The following SHANK2 variants were observed in gnomAD, a reference collection of about 807,000 sequenced individuals.
SHANK2 encodes SH3 and multiple ankyrin repeat domains 2.
In SHANK2, 43 loss-of-function variants were observed where a neutral mutation model predicts 133.7. The observed-to-expected ratio is 0.32, with a 90% CI of 0.25 to 0.41. The LOEUF is 0.41. Among genes scored for constraint, SHANK2 ranks in the 10% least tolerant of loss-of-function variants. The pLI is 1.00. For synonymous variants in SHANK2, 1,017 were observed against 952.8 expected (o/e 1.07, Z -1.24); for missense variants, 1,994 against 2,235.8 (o/e 0.89, Z 2.18).
chr11:71,122,812 T>C (rs1289442537), intron 3 of SHANK2, among the ~76,000 whole-genome samples: 19 of 151,672 alleles, frequency 1.3e-4, no homozygotes, highest in African/African-American at 4.1e-4. Context: ...TGGGACAGAT[T>C]CCCCCTCAAG....
At chr11:71,117,790 G>A (rs1221227133) in intron 4 of SHANK2, among the ~76,000 whole-genome samples, 1 of 152,186 alleles carries the variant, frequency 6.6e-6, no homozygotes, top group Non-Finnish European at 1.5e-5. Flanking sequence ...CATCAGCTGT[G>A]CGTTTGTACA....
At chr11:70,534,763 G>T (rs1435411749) in intron 17 of SHANK2, among the ~76,000 whole-genome samples, 2 of 152,352 alleles carry the variant, frequency 1.3e-5, no homozygotes, top group South Asian at 2.1e-4. Context: ...ATCAGTTCAG[G>T]TGACGCTTCA....
chr11:70,630,065 T>C (rs2060961742), intron 17 of SHANK2, among the ~76,000 whole-genome samples: 1 of 152,242 alleles, frequency 6.6e-6, no homozygotes, highest in Non-Finnish European at 1.5e-5. Flanking sequence ...CTTTTGCTCC[T>C]GGCCCTGGTC....
intron 4 of SHANK2, among the ~76,000 whole-genome samples, 186 bp from the exon 5 acceptor site, chr11:71,113,550 T>C (rs1485729106): frequency 6.6e-6 from 1 of 152,176 alleles, no homozygotes; most frequent in East Asian, 1.9e-4. Flanking sequence ...ATCACTTTTG[T>C]CAAGATTCTG....
intron 15 of SHANK2, among the ~76,000 whole-genome samples, chr11:70,690,195 C>T (rs1945245686): frequency 1.3e-5 from 2 of 151,768 alleles, no homozygotes; most frequent in African/African-American, 4.8e-5. Context: ...GGACAGATTC[C>T]AGTGATACAT....
In SHANK2 at chr11:70,486,431, G is replaced by A. The variant is rs2058806726; in HGVS notation, c.3862C>T (p.Arg1288Ter). 6.2e-7 allele frequency: 1 copy of A among 1,613,918 alleles called. No individual in the cohort carries two copies. The highest frequency in any genetic ancestry group is 1.7e-5 in the Admixed American group (1 of 59,998). Residue 1288 changes from arginine (R) to a stop codon, truncating the protein, a stop_gained, in exon 25 of 26, where the codon CGA becomes TGA. Coordinates refer to ENST00000601538, the MANE Select transcript of SHANK2 (RefSeq NM_012309.5). LOFTEE classifies it high-confidence loss of function. The surrounding 1 kb of genome is among the most constrained non-coding windows in gnomAD (Gnocchi z 8.0). ...TENKYETDLG[R>*]DRKGDDKKNM... ...TTCTTGTCATCGCCTTTCCGGTCTC[G>A]GCCCAGGTCGGTCTCGTACTTGTTC... is the stretch of plus-strand genomic sequence containing the variant.
At chr11:70,561,383 G>A (rs551083502) in intron 17 of SHANK2, among the ~76,000 whole-genome samples, 1 of 151,410 alleles carries the variant, frequency 6.6e-6, no homozygotes, top group East Asian at 2.0e-4. Flanking sequence ...AAACTCCTGA[G>A]CTCAAGTGAT....
At chr11:70,567,300 G>T (rs1488344716) in intron 17 of SHANK2, among the ~76,000 whole-genome samples, 1 of 152,216 alleles carries the variant, frequency 6.6e-6, no homozygotes, top group Non-Finnish European at 1.5e-5. Context: ...TCATGAGGAT[G>T]AGCCTTAATC....
intron 3 of SHANK2, among the ~76,000 whole-genome samples, chr11:71,125,145 C>T (rs1248995811): frequency 2.0e-5 from 3 of 152,094 alleles, no homozygotes; most frequent in African/African-American, 7.2e-5. Flanking sequence ...CCCCGAGACA[C>T]AATAATATTG....
At chr11:71,190,436 C>T (rs551263444) in intron 2 of SHANK2, among the ~76,000 whole-genome samples, 3 of 152,280 alleles carry the variant, frequency 2.0e-5, no homozygotes, top group Non-Finnish European at 2.9e-5. Context: ...ACCCGTCTGC[C>T]GCACTCCTGA....
At chr11:70,548,525 A>G (rs2059724732) in intron 17 of SHANK2, among the ~76,000 whole-genome samples, 1 of 152,146 alleles carries the variant, frequency 6.6e-6, no homozygotes, top group African/African-American at 2.4e-5. Flanking sequence ...GTGCCCGGAC[A>G]TGGAGCCCAC....
chr11:71,098,234 C>A (rs961679570), intron 6 of SHANK2, among the ~76,000 whole-genome samples: 44 of 140,468 alleles, frequency 3.1e-4, no homozygotes, highest in Admixed American at 3.1e-3. Flanking sequence ...TGTCTACATG[C>A]CTGTGTGCAT....
chr11:70,644,820 C>A (rs1218580152), intron 17 of SHANK2, among the ~76,000 whole-genome samples: 1 of 152,184 alleles, frequency 6.6e-6, no homozygotes, highest in Non-Finnish European at 1.5e-5. Context: ...ATGCCTTTTG[C>A]CAAGACCGAC....
intron 13 of SHANK2, among the ~76,000 whole-genome samples, chr11:70,800,890 G>C (rs1381241815): frequency 6.6e-6 from 1 of 152,182 alleles, no homozygotes; most frequent in Non-Finnish European, 1.5e-5. Context: ...CTTCCTTCAC[G>C]GCTGTGAGGT....
At chr11:70,667,263 C>T (rs568169611) in intron 15 of SHANK2, among the ~76,000 whole-genome samples, 2 of 152,328 alleles carry the variant, frequency 1.3e-5, no homozygotes, top group African/African-American at 4.8e-5. Flanking sequence ...ACACAACTAC[C>T]TCCATGTTGA....
chr11:70,676,081 C>T (rs113632115), intron 15 of SHANK2, among the ~76,000 whole-genome samples: 13 of 152,336 alleles, frequency 8.5e-5, no homozygotes, highest in African/African-American at 2.9e-4. Context: ...TTCTTCAAAG[C>T]GCACTGCAAT....
intron 2 of SHANK2, among the ~76,000 whole-genome samples, chr11:71,207,818 C>A (rs1483660347): frequency 1.3e-5 from 2 of 152,124 alleles, no homozygotes; most frequent in Admixed American, 1.3e-4. Flanking sequence ...TGGAGGCTGA[C>A]CCTGCACCAG....
chr11:70,580,576 T>C (rs1355283295), intron 17 of SHANK2, among the ~76,000 whole-genome samples: 1 of 152,226 alleles, frequency 6.6e-6, no homozygotes, highest in Non-Finnish European at 1.5e-5. Context: ...GGGCACCTGG[T>C]GGCACCCACG....
chr11:70,615,267 G>A (rs571677870), intron 17 of SHANK2, among the ~76,000 whole-genome samples: 6 of 152,144 alleles, frequency 3.9e-5, no homozygotes, highest in Admixed American at 1.3e-4. Flanking sequence ...TGGACTCTGT[G>A]ATGAGGGCCT....
Sources: allele counts gnomAD v4.1 joint callset (sites outside exome capture counted in the v4.1 genomes callset), GRCh38; gene constraint gnomAD v4.1.1; non-coding constraint Gnocchi (gnomAD v3.1); transcripts MANE v1.5; gene names NCBI Gene and HGNC (gene_info 2026-07-23, HGNC 2026-07-21).